Variants in KCNQ5 observed in about 807,000 individuals in gnomAD.
KCNQ5 encodes potassium voltage-gated channel subfamily Q member 5, also known as potassium voltage-gated channel subfamily KQT member 5.
KCNQ5 carries 30 observed loss-of-function variants against 98.2 expected under a neutral mutation model. The ratio of observed to expected loss-of-function variants is 0.31; its 90% CI spans 0.23 to 0.41. KCNQ5 has a LOEUF of 0.41. Ranked by LOEUF, KCNQ5 falls within the 10% of genes least tolerant of loss-of-function variation. The probability of loss-of-function intolerance (pLI) is 1.00; values close to 1 mark genes in which losing one functional copy is unlikely to be tolerated. For synonymous variants in KCNQ5, 458 were observed against 449.4 expected (o/e 1.02, Z -0.24); for missense variants, 835 against 1,182.5 (o/e 0.71, Z 4.31).
chr6:72,914,978 G>C (rs2150209934), intron 1 of KCNQ5, among the ~76,000 whole-genome samples: 1 of 152,162 alleles, frequency 6.6e-6, no homozygotes, highest in East Asian at 1.9e-4. Flanking sequence ...CAGTAGAGAA[G>C]GTTGCCTTTT....
At chr6:73,035,141 G>T (rs1013034196) in intron 2 of KCNQ5, among the ~76,000 whole-genome samples, 3 of 151,878 alleles carry the variant, frequency 2.0e-5, no homozygotes, top group Non-Finnish European at 4.4e-5. Context: ...CACCGCGCCC[G>T]GCCACCACTG....
At position 72,814,502 on chromosome 6, in the gene KCNQ5, G is replaced by C. The variant is rs548161212; in HGVS notation, c.399-189406G>C. Among the ~76,000 whole-genome samples the C allele has an allele frequency of 1.9e-3, 295 of 152,298 alleles. 2 individuals carry two copies. Among genetic ancestry groups the C allele is most frequent in the African/African-American group, 6.6e-3 (273 of 41,546 alleles). ...CTCACTCCTGTAAAGAGCAACGCCC[G>C]ACACAGGAAGTTAAGCATTTTTGCA... is the stretch of plus-strand genomic sequence containing the variant. On this transcript the variant is annotated intron_variant, in intron 1 of 13. Transcript: ENST00000370398.
chr6:73,134,586 C>T (rs1776388727), intron 10 of KCNQ5, among the ~76,000 whole-genome samples: 1 of 152,238 alleles, frequency 6.6e-6, no homozygotes, highest in Non-Finnish European at 1.5e-5. Context: ...GGGTCCCTCT[C>T]AGCTTACTCA....
chr6:72,640,044 C>G (rs1442786113), intron 1 of KCNQ5, among the ~76,000 whole-genome samples: 1 of 152,120 alleles, frequency 6.6e-6, no homozygotes, highest in Non-Finnish European at 1.5e-5. Flanking sequence ...TGCAAAGGCC[C>G]TGATAGAGTT....
chr6:72,848,555 GT>G (rs1777110655), intron 1 of KCNQ5, among the ~76,000 whole-genome samples: 1 of 152,158 alleles, frequency 6.6e-6, no homozygotes, highest in African/African-American at 2.4e-5. Flanking sequence ...CCCTGACCTA[GT>G]TTTGTAACTC....
intron 1 of KCNQ5, among the ~76,000 whole-genome samples, chr6:72,949,279 G>A (rs181108688): frequency 6.6e-6 from 1 of 152,184 alleles, no homozygotes; most frequent in Non-Finnish European, 1.5e-5. Context: ...GTGGCTTTTG[G>A]CTCTCATGGT....
chr6:72,934,868 C>G (rs1252527126), intron 1 of KCNQ5, among the ~76,000 whole-genome samples: 1 of 152,032 alleles, frequency 6.6e-6, no homozygotes, highest in African/African-American at 2.4e-5. Flanking sequence ...GTCCCCAATC[C>G]CACTAAATCT....
At chr6:73,160,053 G>T (rs1341186737) in intron 10 of KCNQ5, among the ~76,000 whole-genome samples, 2 of 151,850 alleles carry the variant, frequency 1.3e-5, no homozygotes, top group Non-Finnish European at 2.9e-5. Flanking sequence ...TCGCTCTGTC[G>T]CCCAGGCTGG....
intron 1 of KCNQ5, among the ~76,000 whole-genome samples, chr6:72,821,591 C>A (rs1775754187): frequency 6.6e-6 from 1 of 151,252 alleles, no homozygotes; most frequent in Non-Finnish European, 1.5e-5. Context: ...TAGCCAGCTG[C>A]TCATGAAGTT....
At chr6:72,764,987 G>A (rs1772489722) in intron 1 of KCNQ5, among the ~76,000 whole-genome samples, 1 of 152,002 alleles carries the variant, frequency 6.6e-6, no homozygotes, top group Admixed American at 6.6e-5. Context: ...ACTGTATTGT[G>A]TATATGTACC....
chr6:73,127,422 A>G (rs908527204), intron 9 of KCNQ5, among the ~76,000 whole-genome samples: 1 of 152,180 alleles, frequency 6.6e-6, no homozygotes, highest in African/African-American at 2.4e-5. Context: ...GTCCTTCTTC[A>G]TGGTTTTTCT....
intron 1 of KCNQ5, among the ~76,000 whole-genome samples, chr6:72,825,116 C>T (rs1007314421): frequency 7.3e-5 from 11 of 151,610 alleles, no homozygotes; most frequent in African/African-American, 1.7e-4. Context: ...TAGAAGAAGG[C>T]TAGGGAGAAA....
chr6:73,005,843 AG>A (rs953747709), intron 2 of KCNQ5, among the ~76,000 whole-genome samples: 1 of 152,210 alleles, frequency 6.6e-6, no homozygotes, highest in Non-Finnish European at 1.5e-5. Context: ...CCATAGGGAG[AG>A]GGTTTGTTAA....
intron 1 of KCNQ5, among the ~76,000 whole-genome samples, chr6:72,969,854 A>G (rs2226133): frequency 0.79 from 119,560 of 152,078 alleles, 48,630 homozygotes; most frequent in Non-Finnish European, 0.89. Flanking sequence ...TCAGGTACTT[A>G]AGAGGACTGT....
chr6:73,173,154 T>C (rs1180024962), intron 11 of KCNQ5, among the ~76,000 whole-genome samples: 1 of 152,326 alleles, frequency 6.6e-6, no homozygotes, highest in Middle Eastern at 3.4e-3. Context: ...AAACTTAGTT[T>C]TGTATATTTC....
At chr6:72,662,818 A>G (rs916783455) in intron 1 of KCNQ5, among the ~76,000 whole-genome samples, 1 of 152,188 alleles carries the variant, frequency 6.6e-6, no homozygotes, top group Non-Finnish European at 1.5e-5. Context: ...AGCTACAAAT[A>G]TGCATCATAC....
chr6:72,793,409 T>C (rs928041574), intron 1 of KCNQ5, among the ~76,000 whole-genome samples: 1 of 152,200 alleles, frequency 6.6e-6, no homozygotes, highest in Non-Finnish European at 1.5e-5. Flanking sequence ...TTTGCAGCAG[T>C]TGCAGTTGCG....
chr6:72,637,196 A>G (rs914384819), intron 1 of KCNQ5, among the ~76,000 whole-genome samples: 2 of 152,326 alleles, frequency 1.3e-5, no homozygotes, highest in Middle Eastern at 3.4e-3. Context: ...CTTTGTTTGG[A>G]GATGTTATTT....
chr6:72,835,138 G>A (rs529300878), intron 1 of KCNQ5, among the ~76,000 whole-genome samples: 2 of 152,150 alleles, frequency 1.3e-5, no homozygotes, highest in African/African-American at 4.8e-5. Context: ...CCCAGCTCAA[G>A]GATGGTCAAT....
Sources: gnomAD v4.1 joint callset for allele counts (sites outside exome capture counted in the v4.1 genomes callset) on GRCh38, gnomAD v4.1.1 for gene constraint, MANE v1.5 for transcripts, NCBI Gene and HGNC (gene_info 2026-07-23, HGNC 2026-07-21) for gene names.